The following HEMK2 variants were observed in gnomAD, a reference collection of about 807,000 sequenced individuals.
HEMK2 encodes methyltransferase HEMK2.
the HEMK2 span, among the ~76,000 whole-genome samples, chr21:28,804,619 T>C: frequency 6.6e-6 from 1 of 152,096 alleles, no homozygotes; most frequent in African/African-American, 2.4e-5. Context: ...CACATTGAAA[T>C]CATTTTTAAA....
At chr21:28,831,606 G>GAAAGAAAGAAAGAAA in the HEMK2 span, among the ~76,000 whole-genome samples, 1 of 68,362 alleles carries the variant, frequency 1.5e-5, no homozygotes, top group African/African-American at 8.9e-5. Context: ...AAGGAAAGAA[G>GAAAGAAAGAAAGAAA]GAAAGAAGGA....
chr21:28,827,485 C>T, the HEMK2 span, among the ~76,000 whole-genome samples: 4 of 152,318 alleles, frequency 2.6e-5, no homozygotes, highest in East Asian at 5.8e-4. Context: ...CTACTATGTG[C>T]CAGGCACTAC....
the HEMK2 span, among the ~76,000 whole-genome samples, chr21:28,615,731 T>C: frequency 6.6e-6 from 1 of 152,194 alleles, no homozygotes; most frequent in East Asian, 1.9e-4. Flanking sequence ...GTCCATATGG[T>C]ATGGAATGCC....
chr21:28,730,266 AG>A, the HEMK2 span, among the ~76,000 whole-genome samples: 182 of 151,956 alleles, frequency 1.2e-3, no homozygotes, highest in Non-Finnish European at 2.1e-3. Flanking sequence ...CTGTAGTCAC[AG>A]CTACTCAGGA....
the HEMK2 span, among the ~76,000 whole-genome samples, chr21:28,793,923 C>T: frequency 1.3e-5 from 2 of 152,170 alleles, no homozygotes; most frequent in African/African-American, 4.8e-5. Context: ...AATCTCCACT[C>T]GAGCCTTCGG....
chr21:28,844,548 A>C, the HEMK2 span, among the ~76,000 whole-genome samples: 1 of 152,196 alleles, frequency 6.6e-6, no homozygotes, highest in African/African-American at 2.4e-5. Flanking sequence ...CTTACATGTG[A>C]ATATCTTTCT....
At chr21:28,731,573 A>T in the HEMK2 span, among the ~76,000 whole-genome samples, 2 of 138,346 alleles carry the variant, frequency 1.4e-5, no homozygotes, top group East Asian at 4.7e-4. Flanking sequence ...AGTTGCTCAC[A>T]GGAAGGGGAA....
At chr21:28,642,670 T>C in the HEMK2 span, among the ~76,000 whole-genome samples, 1 of 152,172 alleles carries the variant, frequency 6.6e-6, no homozygotes, top group Admixed American at 6.5e-5. Flanking sequence ...AGGGTGGCTT[T>C]CAGCAGAAAG....
At chr21:28,699,280 C>T in the HEMK2 span, among the ~76,000 whole-genome samples, 5 of 152,110 alleles carry the variant, frequency 3.3e-5, no homozygotes, top group African/African-American at 7.2e-5. Flanking sequence ...TATTTCTTAC[C>T]ATTCTGGATG....
At chr21:28,706,323 T>C in the HEMK2 span, among the ~76,000 whole-genome samples, 8 of 152,226 alleles carry the variant, frequency 5.3e-5, no homozygotes, top group African/African-American at 1.2e-4. Flanking sequence ...TTTGGTTACA[T>C]TGAAGGATTA....
chr21:28,854,015 G>A, the HEMK2 span, among the ~76,000 whole-genome samples: 2 of 152,130 alleles, frequency 1.3e-5, no homozygotes, highest in Non-Finnish European at 2.9e-5. Context: ...TTCTCGACAG[G>A]AGATAAGACT....
chr21:28,682,549 T>C, the HEMK2 span, among the ~76,000 whole-genome samples: 2 of 152,108 alleles, frequency 1.3e-5, no homozygotes, highest in African/African-American at 2.4e-5. Context: ...ATCCCATTAC[T>C]GGGTATATAC....
the HEMK2 span, among the ~76,000 whole-genome samples, chr21:28,700,775 C>G: frequency 1.3e-5 from 2 of 152,072 alleles, no homozygotes; most frequent in African/African-American, 4.8e-5. Context: ...AGGAGGGGCT[C>G]TTCCCTAACT....
At chr21:28,849,431 A>C in the HEMK2 span, among the ~76,000 whole-genome samples, 1 of 152,316 alleles carries the variant, frequency 6.6e-6, no homozygotes, top group African/African-American at 2.4e-5. Flanking sequence ...ATGAGAAAGA[A>C]CCAGAGCAAG....
chr21:28,686,287 T>C, the HEMK2 span, among the ~76,000 whole-genome samples: 1 of 152,126 alleles, frequency 6.6e-6, no homozygotes, highest in Non-Finnish European at 1.5e-5. Context: ...CAGGCTGGAG[T>C]GCAATGGCGC....
chr21:28,728,904 G>A, the HEMK2 span, among the ~76,000 whole-genome samples: 8,706 of 152,240 alleles, frequency 0.057, 342 homozygotes, highest in Middle Eastern at 0.092. Context: ...ATCAAGCAGT[G>A]CCCACTCTCC....
chr21:28,712,735 T>A, the HEMK2 span, among the ~76,000 whole-genome samples: 1 of 152,242 alleles, frequency 6.6e-6, no homozygotes, highest in Non-Finnish European at 1.5e-5. Context: ...AGAGAATAAA[T>A]GTTTGATCAG....
the HEMK2 span, among the ~76,000 whole-genome samples, chr21:28,733,337 T>C: frequency 0.55 from 83,933 of 152,088 alleles, 26,376 homozygotes; most frequent in African/African-American, 0.85. Flanking sequence ...ATTGTTTACA[T>C]GAATTGTGTG....
At chr21:28,701,937 T>C in the HEMK2 span, among the ~76,000 whole-genome samples, 1 of 152,050 alleles carries the variant, frequency 6.6e-6, no homozygotes, top group Non-Finnish European at 1.5e-5. Flanking sequence ...GACTGTACTA[T>C]AAGTCTACAG....
Sources: gnomAD v4.1 joint callset for allele counts (sites outside exome capture counted in the v4.1 genomes callset) on GRCh38, gnomAD v4.1.1 for gene constraint, MANE v1.5 for transcripts, NCBI Gene and HGNC (gene_info 2026-07-23, HGNC 2026-07-21) for gene names.